GPC6: variants seen among roughly 807,000 people sequenced by gnomAD.
GPC6 encodes glypican 6.
Under a neutral mutation model 55.2 loss-of-function variants are expected in GPC6, and 14 were observed. The observed-to-expected ratio is 0.25, with a 90% CI of 0.17 to 0.40. The LOEUF (loss-of-function observed/expected upper bound fraction) is 0.40, where lower values mean the gene tolerates loss of function less well. Ranked by LOEUF, GPC6 falls within the 10% of genes least tolerant of loss-of-function variation. GPC6 has a pLI of 1.00. For missense variants in GPC6, 641 were observed against 708.5 expected, an observed-to-expected ratio of 0.90 and a Z score of 1.08; for synonymous variants, 278 against 259.6, an observed-to-expected ratio of 1.07 and a Z score of -0.68.
intron 3 of GPC6, among the ~76,000 whole-genome samples, chr13:93,913,815 A>G (rs574913079): frequency 1.3e-5 from 2 of 152,320 alleles, no homozygotes; most frequent in South Asian, 2.1e-4. Context: ...TGAAGCTTCA[A>G]GATGTTTTAA....
chr13:94,349,086 G>A (rs1185771040), intron 6 of GPC6, among the ~76,000 whole-genome samples: 3 of 152,170 alleles, frequency 2.0e-5, no homozygotes, highest in East Asian at 1.9e-4. Context: ...TCTGAAACCT[G>A]TGGAACCTCG....
intron 7 of GPC6, among the ~76,000 whole-genome samples, chr13:94,387,319 G>A (rs936362113): frequency 6.6e-6 from 1 of 152,144 alleles, no homozygotes; most frequent in African/African-American, 2.4e-5. Flanking sequence ...TTTGATGGGA[G>A]GAAATTGCAA....
chr13:93,653,643 A>AT (rs1304077091), intron 2 of GPC6, among the ~76,000 whole-genome samples: 26 of 56,466 alleles, frequency 4.6e-4, no homozygotes, highest in Non-Finnish European at 6.5e-5. Context: ...AACTTAAAAA[A>AT]AATATATATT....
At chr13:93,887,202 T>C (rs1875392264) in intron 3 of GPC6, among the ~76,000 whole-genome samples, 1 of 152,076 alleles carries the variant, frequency 6.6e-6, no homozygotes, top group Non-Finnish European at 1.5e-5. Context: ...TTAAATGTAA[T>C]AATATTTTTA....
chr13:93,921,077 C>T (rs9561471), intron 3 of GPC6, among the ~76,000 whole-genome samples: 67,449 of 151,982 alleles, frequency 0.44, 15,475 homozygotes, highest in Non-Finnish European at 0.48. Context: ...TCAGTCCTGC[C>T]AGAAAACCCT....
chr13:93,243,621 T>C (rs528914422), intron 1 of GPC6, among the ~76,000 whole-genome samples: 1 of 152,248 alleles, frequency 6.6e-6, no homozygotes, highest in East Asian at 1.9e-4. Flanking sequence ...AGGTCTGTCT[T>C]GGTCTGTTCA....
chr13:94,364,049 C>G (rs920231451), intron 6 of GPC6, among the ~76,000 whole-genome samples: 10 of 152,296 alleles, frequency 6.6e-5, no homozygotes, highest in African/African-American at 2.2e-4. Flanking sequence ...AATGTGGCAA[C>G]TAGAAAATTT....
At chr13:93,636,555 T>C (rs1311294325) in intron 2 of GPC6, among the ~76,000 whole-genome samples, 1 of 152,144 alleles carries the variant, frequency 6.6e-6, no homozygotes, top group East Asian at 1.9e-4. Flanking sequence ...CAAAGAAAAG[T>C]GAGATCAGAA....
intron 1 of GPC6, among the ~76,000 whole-genome samples, chr13:93,435,395 C>G (rs560124540): frequency 1.3e-5 from 2 of 152,154 alleles, no homozygotes; most frequent in South Asian, 2.1e-4. Context: ...GTACTACAGT[C>G]GTGAGTCACC....
chr13:94,041,631 A>G (rs1415691342), intron 4 of GPC6, among the ~76,000 whole-genome samples: 4 of 151,838 alleles, frequency 2.6e-5, no homozygotes, highest in Non-Finnish European at 5.9e-5. Context: ...CTGGACGATC[A>G]CTTAAAATGA....
intron 4 of GPC6, among the ~76,000 whole-genome samples, chr13:94,066,181 T>G (rs1365245468): frequency 6.6e-6 from 1 of 152,218 alleles, no homozygotes; most frequent in Non-Finnish European, 1.5e-5. Flanking sequence ...AGATATATTT[T>G]ATACCCATTG....
chr13:94,088,542 GAGGGA>G (rs67388461), intron 4 of GPC6, among the ~76,000 whole-genome samples: 99,762 of 126,224 alleles, frequency 0.79, 39,955 homozygotes, highest in South Asian at 0.88. Flanking sequence ...AAGAAAAAGA[GAGGGA>G]AGGGAAGGGA....
chr13:93,326,781 A>G (rs1412961611), intron 1 of GPC6, among the ~76,000 whole-genome samples: 1 of 152,200 alleles, frequency 6.6e-6, no homozygotes, highest in Non-Finnish European at 1.5e-5. Flanking sequence ...AAAATCTGAA[A>G]AGTGGTAAAA....
intron 4 of GPC6, among the ~76,000 whole-genome samples, chr13:94,117,890 G>A (rs567726157): frequency 1.3e-5 from 2 of 152,034 alleles, no homozygotes; most frequent in Non-Finnish European, 2.9e-5. Flanking sequence ...ATGAGTAGGA[G>A]CATGCTTGGA....
intron 1 of GPC6, among the ~76,000 whole-genome samples, chr13:93,441,268 A>G (rs1489998208): frequency 6.6e-6 from 1 of 151,266 alleles, no homozygotes; most frequent in Non-Finnish European, 1.5e-5. Flanking sequence ...AGGAACCACC[A>G]CCCTGTCTTC....
chr13:93,483,193 C>T (rs1879580892), intron 1 of GPC6, among the ~76,000 whole-genome samples: 1 of 152,088 alleles, frequency 6.6e-6, no homozygotes, highest in South Asian at 2.1e-4. Context: ...AGTTTGATTT[C>T]TCATAATTAA....
intron 1 of GPC6, among the ~76,000 whole-genome samples, chr13:93,494,803 G>A (rs377167965): frequency 6.7e-6 from 1 of 149,332 alleles, no homozygotes; most frequent in Non-Finnish European, 1.5e-5. Context: ...GGCTGGATAT[G>A]AAATTCTGGG....
intron 1 of GPC6, among the ~76,000 whole-genome samples, chr13:93,511,148 C>T (rs1178398927): frequency 6.7e-6 from 1 of 149,048 alleles, no homozygotes; most frequent in Non-Finnish European, 1.5e-5. Context: ...CAGGTTGTCT[C>T]TTTACTCTGT....
intron 6 of GPC6, among the ~76,000 whole-genome samples, chr13:94,347,331 C>T (rs973873103): frequency 6.6e-6 from 1 of 152,188 alleles, no homozygotes; most frequent in African/African-American, 2.4e-5. Flanking sequence ...AAAACCTCTG[C>T]AACTTCTTGT....
Sources: gnomAD v4.1 joint callset for allele counts (sites outside exome capture counted in the v4.1 genomes callset) on GRCh38, gnomAD v4.1.1 for gene constraint, MANE v1.5 for transcripts, NCBI Gene and HGNC (gene_info 2026-07-23, HGNC 2026-07-21) for gene names.